RC3H2: variants seen among roughly 807,000 people sequenced by gnomAD.
The protein encoded by RC3H2 is roquin-2.
Under a neutral mutation model 133.3 loss-of-function variants are expected in RC3H2, and 31 were observed. The observed-to-expected ratio is 0.23, with a 90% confidence interval of 0.17 to 0.31. RC3H2 has a LOEUF of 0.31. Among genes scored for constraint, RC3H2 ranks in the 10% least tolerant of loss-of-function variants. RC3H2 has a pLI of 1.00. For synonymous variants in RC3H2, 517 were observed against 502.2 expected (o/e 1.03, Z -0.40); for missense variants, 1,175 against 1,437.2 (o/e 0.82, Z 2.95).
Position 122,854,185 on chromosome 9 carries a change from C to G in RC3H2, c.2982G>C (p.Gln994His). ...TTTATAGCTGAGTTACAGAGCCTAC[C>G]TGCTGAAGTTCAAGGCTCAAAAGGT... ...TGDLLSLELQ[Q>H]AKSNSLLLQR... Residue 994 changes from glutamine to histidine, a missense_variant and splice_region_variant, in exon 17 of 21, where the codon CAG (glutamine) becomes CAC (histidine). This residue lies in a region of RC3H2 where 138 missense variants were observed against 215.0 expected (regional missense o/e 0.64). Transcript: ENST00000357244. The G allele has an allele frequency of 6.2e-7, 1 of 1,613,608 alleles. No homozygotes were observed. Among genetic ancestry groups the G allele is most frequent in the Non-Finnish European group, 8.5e-7 (1 of 1,179,742 alleles).
chr9:122,866,540 G>A (rs969694049), intron 9 of RC3H2, among the ~76,000 whole-genome samples: 58 of 152,072 alleles, frequency 3.8e-4, no homozygotes, highest in African/African-American at 5.5e-4. Context: ...GAGTGCCTGC[G>A]ATTGCAGGCG....
chr9:122,851,936 G>A (rs541293302), intron 18 of RC3H2, among the ~76,000 whole-genome samples: 2 of 152,106 alleles, frequency 1.3e-5, no homozygotes, highest in African/African-American at 2.4e-5. Flanking sequence ...GGGAAGTGAG[G>A]AGCGTCTCTG....
At chr9:122,885,509 C>A (rs560587858) in intron 4 of RC3H2, among the ~76,000 whole-genome samples, 1 of 152,218 alleles carries the variant, frequency 6.6e-6, no homozygotes, top group South Asian at 2.1e-4. Flanking sequence ...ACCAAGGTAA[C>A]GTATCTAGTT....
In RC3H2 at chr9:122,887,067, C is replaced by T. The variant is rs190894989; in HGVS notation, c.583+3245G>A. On this transcript the variant is annotated intron_variant, in intron 4 of 20. Transcript: ENST00000357244. The stretch of plus-strand genomic sequence containing the variant: ...GCTAAGATTTATCAGTGGGTTCAGA[C>T]TTTATCCATCTGCTATAAATTTCCC... 2.1e-3 allele frequency among the ~76,000 whole-genome samples: 327 copies of T among 152,314 alleles called. 1 individual carries two copies. Among genetic ancestry groups the T allele is most frequent in the African/African-American group, 7.2e-3 (299 of 41,568 alleles).
At chr9:122,853,592 A>C (rs1255873243) in intron 18 of RC3H2, among the ~76,000 whole-genome samples, 2 of 152,098 alleles carry the variant, frequency 1.3e-5, no homozygotes, top group Non-Finnish European at 2.9e-5. Context: ...TCTCTACTAA[A>C]AACACAAAAA....
rs1376564792 is a variant in RC3H2 at position 122,847,541 on chromosome 9, G to A, written c.*2086C>T. ...TTTGGAATTACAAACAGCAAATAAA[G>A]TACATTGGAAGCATTTCAAATGTAA... On this transcript the variant is annotated 3_prime_UTR_variant, in exon 21 of 21. Coordinates refer to ENST00000357244, the MANE Select transcript of RC3H2 (RefSeq NM_001100588.3). The A allele has an allele frequency of 1.3e-5, 2 of 152,052 alleles. No homozygotes were observed. 9.4% of individuals were successfully genotyped at this position (152,052 alleles called of 1,614,324 possible). A position where few individuals can be genotyped will look rare whatever the true frequency, so the allele number is the denominator to read the frequency against.
chr9:122,899,012 T>C (rs1279023542), intron 1 of RC3H2, among the ~76,000 whole-genome samples: 2 of 151,180 alleles, frequency 1.3e-5, no homozygotes. Context: ...TGTAGTCACA[T>C]TCAAAGAGAA....
rs1320394372 is a variant in RC3H2 at position 122,900,373 on chromosome 9, AAT to A, written c.-67-2799_-67-2798del. 4.6e-5 allele frequency among the ~76,000 whole-genome samples: 7 copies of A among 152,294 alleles called. No homozygotes were observed. The East Asian group carries it at 1.2e-3, about 25-fold the overall frequency. On this transcript the variant is annotated intron_variant, in intron 1 of 20. Transcript: ENST00000357244. ...ATGTAAGAAACGCTTTGATTTTCCA[AAT>A]ATGTTTTTCTTCAGTAATATTATCA...
intron 18 of RC3H2, chr9:122,851,669 G>A (rs548600775): frequency 6.4e-6 from 3 of 471,496 alleles, no homozygotes; most frequent in South Asian, 2.5e-5. Flanking sequence ...ACTGGTTTTC[G>A]TATTTTTTTG....
rs374616016 is a variant in RC3H2 at position 122,897,659 on chromosome 9, C to T, written c.-67-83G>A. On this transcript the variant is annotated intron_variant, in intron 1 of 20. Coordinates refer to ENST00000357244, the MANE Select transcript of RC3H2 (RefSeq NM_001100588.3). ...TAATTGCTTAAGTCAACTATTACAG[C>T]TTCAGACCTAAAATACTTCTAAATA... 219 of 901,166 alleles carry T rather than the reference C, an allele frequency of 2.4e-4. No homozygotes were observed. The African/African-American group carries it at 3.3e-3, about 13-fold the overall frequency. 55.8% of individuals were successfully genotyped at this position (901,166 alleles called of 1,614,324 possible). A position where few individuals can be genotyped will look rare whatever the true frequency, so the allele number is the denominator to read the frequency against.
At chr9:122,858,564 T>G (rs1830336166) in intron 12 of RC3H2, 105 bp downstream of exon 12, 1 of 915,660 alleles carries the variant, frequency 1.1e-6, no homozygotes, top group Non-Finnish European at 1.7e-6. Context: ...GTAACTTCCT[T>G]AAGTCACACA....
chr9:122,852,804 A>G (rs1702304622), intron 18 of RC3H2, among the ~76,000 whole-genome samples: 1 of 149,802 alleles, frequency 6.7e-6, no homozygotes, highest in African/African-American at 2.5e-5. Context: ...CCGGGAGGTG[A>G]GGGGCGCCTC....
Position 122,858,792 on chromosome 9 carries a change from C to A in RC3H2, c.2160G>T (p.Met720Ile). Residue 720 changes from methionine to isoleucine, a missense_variant, in exon 12 of 21, where the codon ATG becomes ATT. Transcript: ENST00000357244. ...GATAGACAGATGAGTGCATCACATCCATTGGAGGTAAAGAATTGCTTCTAA... is the reference window on the plus strand; with the variant it reads ...GATAGACAGATGAGTGCATCACATCAATTGGAGGTAAAGAATTGCTTCTAA... ...DIIRSNSLPP[M>I]DVMHSSVYQT... The A allele has an allele frequency of 6.2e-7, 1 of 1,614,256 alleles. No homozygotes were observed. The highest frequency in any genetic ancestry group is 1.1e-5 in the South Asian group (1 of 91,086).
intron 13 of RC3H2, among the ~76,000 whole-genome samples, chr9:122,857,651 G>T (rs1450933488): frequency 6.6e-6 from 1 of 152,118 alleles, no homozygotes; most frequent in Non-Finnish European, 1.5e-5. Flanking sequence ...ATAAATGATA[G>T]ATATAAATCA....
chr9:122,903,392 T>C (rs1029336885), intron 1 of RC3H2, among the ~76,000 whole-genome samples: 4 of 152,350 alleles, frequency 2.6e-5, no homozygotes, highest in Admixed American at 6.5e-5. Context: ...GCAAACAATG[T>C]AGAAGTTCAA....
rs1829871346 is a variant in RC3H2, at chr9:122,846,485, G to C, written c.*3142C>G. 1 of 152,002 alleles carries C rather than the reference G, an allele frequency of 6.6e-6. No individual in the cohort carries two copies. The highest frequency in any genetic ancestry group is 1.5e-5 in the Non-Finnish European group (1 of 68,016). The allele number at this position is 152,002 out of a possible 1,614,324, so 9.4% of individuals were successfully genotyped here. On this transcript the variant is annotated 3_prime_UTR_variant, in exon 21 of 21. Transcript: ENST00000357244. The stretch of plus-strand genomic sequence containing the variant: ...AAAAAATATATATGTAACTTCCTCT[G>C]AATTCATAAAATGAAATGAAACCAC...
intron 8 of RC3H2, among the ~76,000 whole-genome samples, chr9:122,878,720 A>G (rs1483791269): frequency 6.6e-6 from 1 of 151,984 alleles, no homozygotes; most frequent in African/African-American, 2.4e-5. Context: ...AATAGAAGTT[A>G]TAAGTATAAA....
intron 3 of RC3H2, among the ~76,000 whole-genome samples, chr9:122,892,646 T>C (rs1733926675): frequency 6.6e-6 from 1 of 152,116 alleles, no homozygotes; most frequent in African/African-American, 2.4e-5. Flanking sequence ...CTTCTGATCT[T>C]GTGATCCGCC....
At position 122,855,260 on chromosome 9, in the gene RC3H2, A is replaced by T; in HGVS notation, c.2739T>A (p.Arg913=). Residue 913 remains arginine (R), a synonymous_variant, in exon 15 of 21, where the codon CGT becomes CGA. Coordinates refer to ENST00000357244, the MANE Select transcript of RC3H2 (RefSeq NM_001100588.3). ...CAGGATCTGTGGTATGGTAACCTGT[A>T]CGGGAAGATCTGGAAATCGCACCCC... ...SKWGAISRSS[R]TGYHTTDPVQ... is the part of the protein sequence containing the mutation. 1 of 1,614,206 alleles carries T rather than the reference A, an allele frequency of 6.2e-7. No homozygotes were observed. The highest frequency in any genetic ancestry group is 8.5e-7 in the Non-Finnish European group (1 of 1,180,046).
Sources: gnomAD v4.1 joint callset for allele counts (sites outside exome capture counted in the v4.1 genomes callset) on GRCh38, gnomAD v4.1.1 for gene constraint, gnomAD v4.1.1 regional missense constraint, MANE v1.5 for transcripts, NCBI Gene and HGNC (gene_info 2026-07-23, HGNC 2026-07-21) for gene names.